The following SVIP variants were observed in gnomAD, a reference collection of about 807,000 sequenced individuals.
SVIP encodes the protein small VCP interacting protein.
In SVIP, 14 loss-of-function variants were observed where a neutral mutation model predicts 12.9. That is an observed-to-expected ratio of 1.08 (90% CI 0.72 to 1.70). SVIP has a LOEUF of 1.70. Ranked by LOEUF, SVIP falls within the 40% of genes most tolerant of loss-of-function variation. SVIP has a pLI of 0.00. For missense variants in SVIP, 93 were observed against 90.8 expected (o/e 1.02, Z -0.10); for synonymous variants, 35 against 33.3 (o/e 1.05, Z -0.17).
intron 3 of SVIP, among the ~76,000 whole-genome samples, chr11:22,825,821 T>A (rs1054694067): frequency 3.3e-5 from 5 of 152,214 alleles, no homozygotes; most frequent in African/African-American, 1.2e-4. Context: ...CCTTTTCCTA[T>A]AACATTACGT....
rs1564905934 is a variant in SVIP, at chr11:22,824,461, C to CGT, written c.220-1329_220-1328insAC. On this transcript the variant is annotated intron_variant, in intron 3 of 3. Transcript: ENST00000354193. The stretch of plus-strand genomic sequence containing the variant: ...ACACACACACATATATATATATATA[C>CGT]ACATATATATACGTATATATATATG... Among the ~76,000 whole-genome samples the CGT allele has an allele frequency of 1.4e-4, 6 of 44,188 alleles. No homozygotes were observed. The South Asian group carries it at 2.3e-3, about 17-fold the overall frequency. The allele number at this position is 44,188 out of a possible 152,430, so 29.0% of individuals were successfully genotyped here. A position where few individuals can be genotyped will look rare whatever the true frequency, so the allele number is the denominator to read the frequency against.
chr11:22,824,525 A>C (rs888863874), intron 3 of SVIP, among the ~76,000 whole-genome samples: 7 of 148,492 alleles, frequency 4.7e-5, no homozygotes, highest in African/African-American at 1.7e-4. Flanking sequence ...TATATATATA[A>C]AATCTATGTT....
chr11:22,827,400 C>T, intron 2 of SVIP, 80 bp from the exon 3 acceptor site: 2 of 1,207,110 alleles, frequency 1.7e-6, no homozygotes, highest in Non-Finnish European at 2.4e-6. Context: ...TCTATCTTTG[C>T]TTTCTAGGTT....
intron 3 of SVIP, among the ~76,000 whole-genome samples, chr11:22,823,475 C>A (rs1056797646): frequency 7.2e-5 from 11 of 152,132 alleles, no homozygotes; most frequent in Admixed American, 5.2e-4. Flanking sequence ...AGCTCAAGTT[C>A]TGTTCCAGTC....
At chr11:22,826,194 C>T (rs1005154511) in intron 3 of SVIP, among the ~76,000 whole-genome samples, 3 of 152,068 alleles carry the variant, frequency 2.0e-5, no homozygotes, top group African/African-American at 4.8e-5. Context: ...GATGAAGTAA[C>T]GTACAATAGT....
In SVIP at chr11:22,820,627, A is replaced by G. The variant is rs1009159453; in HGVS notation, c.*2492T>C. On this transcript the variant is annotated 3_prime_UTR_variant, in exon 4 of 4. Transcript: ENST00000354193. ...CTAATTTTTACATAGAAAAAAATGTATATTTATATCCCTAAAAGGCAATAC... is the reference window on the plus strand; with the variant it reads ...CTAATTTTTACATAGAAAAAAATGTGTATTTATATCCCTAAAAGGCAATAC... The G allele has an allele frequency of 4.6e-5, 7 of 152,194 alleles. No homozygotes were observed. Among genetic ancestry groups the G allele is most frequent in the African/African-American group, 1.7e-4 (7 of 41,446 alleles). The allele number at this position is 152,194 out of a possible 1,614,324, so 9.4% of individuals were successfully genotyped here.
chr11:22,829,730 A>C lies in SVIP; in HGVS notation c.19T>G (p.Cys7Gly). ...GTGGGAGGCGCGGACTCCCCGGGAC[A>C]AGGAAAACACAGCCCCATAGGGACG... MGLCFP[C>G]PGESAPPTPD... The change falls in exon 1 of 4, where the codon TGT becomes GGT. Residue 7 changes from cysteine (C) to glycine (G), a missense_variant. Coordinates refer to ENST00000354193, the MANE Select transcript of SVIP (RefSeq NM_148893.3). 3.1e-6 allele frequency: 5 copies of C among 1,607,918 alleles called. No homozygotes were observed. The highest frequency in any genetic ancestry group is 4.2e-6 in the Non-Finnish European group (5 of 1,177,958).
At chr11:22,823,246 A>G (rs1857546192) in intron 3 of SVIP, 113 bp from the exon 4 acceptor site, 1 of 703,978 alleles carries the variant, frequency 1.4e-6, no homozygotes, top group African/African-American at 1.8e-5. Context: ...ATACAAAATG[A>G]TTTTTCTGAA....
intron 3 of SVIP, among the ~76,000 whole-genome samples, chr11:22,824,208 G>C (rs762291696): frequency 6.6e-6 from 1 of 152,002 alleles, no homozygotes; most frequent in Non-Finnish European, 1.5e-5. Flanking sequence ...TCTTGTTTGA[G>C]CCAGGGAGTC....
chr11:22,824,517 T>C (rs914163214), intron 3 of SVIP, among the ~76,000 whole-genome samples: 11 of 149,178 alleles, frequency 7.4e-5, no homozygotes, highest in African/African-American at 2.7e-4. Flanking sequence ...TACACACATA[T>C]ATATATAAAA....
intron 3 of SVIP, 133 bp from the exon 4 acceptor site, chr11:22,823,266 T>G (rs1379341684): frequency 1.6e-6 from 1 of 611,226 alleles, no homozygotes; most frequent in Non-Finnish European, 2.7e-6. Flanking sequence ...ATAGCAGCTA[T>G]TCATAAAATT....
Position 22,827,882 on chromosome 11 carries a change from A to G in SVIP, c.55-8T>C, listed in dbSNP as rs1857782525. On this transcript the variant is annotated splice_region_variant and splice_polypyrimidine_tract_variant and intron_variant, in intron 1 of 3. Transcript: ENST00000354193. ...CTTTGCTCTTTTCTCTTCCTAAATA[A>G]ATGTGTAAAAATATGTATTAAAATA... The G allele has an allele frequency of 1.3e-6, 2 of 1,546,496 alleles. No homozygotes were observed. Among genetic ancestry groups the G allele is most frequent in the Non-Finnish European group, 1.7e-6 (2 of 1,143,654 alleles).
In SVIP at chr11:22,819,151, T is replaced by C. The variant is rs1033365268; in HGVS notation, c.*3968A>G. The C allele has an allele frequency of 2.6e-5, 4 of 152,200 alleles. No individual in the cohort carries two copies. Among genetic ancestry groups the C allele is most frequent in the South Asian group, 4.1e-4 (2 of 4,832 alleles). 9.4% of individuals were successfully genotyped at this position (152,200 alleles called of 1,614,324 possible). ...GTTCCAGAAGTTTTTGTGGAACCTC[T>C]GAGAATTTTCTACCTGAGACACTTG... On this transcript the variant is annotated 3_prime_UTR_variant, in exon 4 of 4. Transcript: ENST00000354193.
intron 3 of SVIP, among the ~76,000 whole-genome samples, chr11:22,824,513 C>T (rs868179980): frequency 6.9e-6 from 1 of 145,650 alleles, no homozygotes; most frequent in Admixed American, 7.0e-5. Flanking sequence ...TATATACACA[C>T]ATATATATAT....
Position 22,819,147 on chromosome 11 carries a change from C to T in SVIP, c.*3972G>A, listed in dbSNP as rs1000086772. ...ATTAGTTCCAGAAGTTTTTGTGGAA[C>T]CTCTGAGAATTTTCTACCTGAGACA... On this transcript the variant is annotated 3_prime_UTR_variant, in exon 4 of 4. Coordinates refer to ENST00000354193, the MANE Select transcript of SVIP (RefSeq NM_148893.3). The T allele has an allele frequency of 6.6e-6, 1 of 152,128 alleles. No homozygotes were observed. Among genetic ancestry groups the T allele is most frequent in the East Asian group, 1.9e-4 (1 of 5,198 alleles). 9.4% of individuals were successfully genotyped at this position (152,128 alleles called of 1,614,324 possible). A position where few individuals can be genotyped will look rare whatever the true frequency, so the allele number is the denominator to read the frequency against.
At chr11:22,824,627 TA>T (rs1478629833) in intron 3 of SVIP, among the ~76,000 whole-genome samples, 5 of 152,036 alleles carry the variant, frequency 3.3e-5, no homozygotes, top group African/African-American at 1.2e-4. Context: ...GTGCCTTTTT[TA>T]GTCTCTAAGA....
chr11:22,822,237 TAC>T lies in SVIP; in HGVS notation c.*880_*881del. On this transcript the variant is annotated 3_prime_UTR_variant, in exon 4 of 4. Coordinates refer to ENST00000354193, the MANE Select transcript of SVIP (RefSeq NM_148893.3). ...GTACAGTACCTACATGTTTTTTTCA[TAC>T]ATTCATACTTGCCTTCGCAGTTTCA... The T allele has an allele frequency of 6.6e-6, 1 of 152,316 alleles. No homozygotes were observed. The highest frequency in any genetic ancestry group is 2.1e-4 in the South Asian group (1 of 4,832). The allele number at this position is 152,316 out of a possible 1,614,324, so 9.4% of individuals were successfully genotyped here.
At chr11:22,829,274 TA>T (rs1336129336) in intron 1 of SVIP, 2 of 165,514 alleles carry the variant, frequency 1.2e-5, no homozygotes, top group African/African-American at 4.8e-5. Context: ...TAAAAGATGG[TA>T]GACACAGTTG....
In SVIP at chr11:22,827,333, T is replaced by C. The variant is rs770467832; in HGVS notation, c.106-13A>G. On this transcript the variant is annotated splice_polypyrimidine_tract_variant and intron_variant, in intron 2 of 3. Transcript: ENST00000354193. ...CCCGAGATGCAGCCTTGAAGAAATTTGATAAGAAAAACAGAAAGACAACAA... is the reference window on the plus strand; with the variant it reads ...CCCGAGATGCAGCCTTGAAGAAATTCGATAAGAAAAACAGAAAGACAACAA... 6.3e-7 allele frequency: 1 copy of C among 1,584,460 alleles called. No individual in the cohort carries two copies. The highest frequency in any genetic ancestry group is 1.2e-5 in the South Asian group (1 of 85,572).
Sources: gnomAD v4.1 joint callset for allele counts (sites outside exome capture counted in the v4.1 genomes callset) on GRCh38, gnomAD v4.1.1 for gene constraint, MANE v1.5 for transcripts, NCBI Gene and HGNC (gene_info 2026-07-23, HGNC 2026-07-21) for gene names.